Variants in CDC42BPG observed in about 807,000 individuals in gnomAD.
The protein encoded by CDC42BPG is CDC42 binding protein kinase gamma, also known as serine/threonine-protein kinase MRCK gamma.
In CDC42BPG, 157 loss-of-function variants were observed where a neutral mutation model predicts 192.2. That is an observed-to-expected ratio of 0.82 (90% CI 0.72 to 0.93). CDC42BPG has a LOEUF of 0.93. Ranked by LOEUF, CDC42BPG falls within the 40% of genes least tolerant of loss-of-function variation. CDC42BPG has a pLI of 0.00. For synonymous variants in CDC42BPG, 981 were observed against 918.5 expected (o/e 1.07, Z -1.23); for missense variants, 1,992 against 2,122.1 (o/e 0.94, Z 1.20).
In CDC42BPG at chr11:64,832,965, G is replaced by A; in HGVS notation, c.2732-6C>T. The A allele has an allele frequency of 6.6e-7, 1 of 1,524,244 alleles. No individual in the cohort carries two copies. The highest frequency in any genetic ancestry group is 2.5e-5 in the East Asian group (1 of 40,702). The allele number at this position is 1,524,244 out of a possible 1,614,324, so 94.4% of individuals were successfully genotyped here. A position where few individuals can be genotyped will look rare whatever the true frequency, so the allele number is the denominator to read the frequency against. Reference sequence around the variant, plus strand: ...GTGACAAAAGTAGCCGCAGGCTGTGGGGAAAGTGGAGAAGGTGGATGAGGT... The same window carrying A: ...GTGACAAAAGTAGCCGCAGGCTGTGAGGAAAGTGGAGAAGGTGGATGAGGT... On this transcript the variant is annotated splice_region_variant and splice_polypyrimidine_tract_variant and intron_variant, in intron 24 of 36. Transcript: ENST00000342711.
chr11:64,827,454 C>G, intron 32 of CDC42BPG, 56 bp from the exon 33 acceptor site: 1 of 1,604,150 alleles, frequency 6.2e-7, no homozygotes. Flanking sequence ...GCCCAGTCAG[C>G]TGGCATTCAG....
chr11:64,826,131 A>G (rs1942405821), intron 36 of CDC42BPG, among the ~76,000 whole-genome samples: 2 of 151,384 alleles, frequency 1.3e-5, no homozygotes, highest in Admixed American at 1.3e-4. Flanking sequence ...CATGCCAGGT[A>G]CTATGCTGAG....
intron 9 of CDC42BPG, 38 bp from the exon 10 acceptor site, chr11:64,837,057 C>T: frequency 6.6e-7 from 1 of 1,506,880 alleles, no homozygotes; most frequent in Non-Finnish European, 9.2e-7. Context: ...TGGTAGAAAC[C>T]TCACCCCACA....
At chr11:64,832,993 G>C in intron 24 of CDC42BPG, 34 bp from the exon 25 acceptor site, 1 of 1,499,854 alleles carries the variant, frequency 6.7e-7, no homozygotes, top group Non-Finnish European at 8.9e-7. Context: ...GATGAGGTGA[G>C]GCTGGGAGGG....
In CDC42BPG at chr11:64,836,811, G is replaced by A. The variant is rs142790484; in HGVS notation, c.1312C>T (p.His438Tyr). The A allele has an allele frequency of 3.5e-5, 56 of 1,607,906 alleles. No individual in the cohort carries two copies. Among genetic ancestry groups the A allele is most frequent in the Non-Finnish European group, 4.8e-5 (56 of 1,177,090 alleles). ...AGCTCCCGATGGTCTGTGGGGGCGT[G>A]CAGGGCCTCTGGAGGGGAGGTGGTA... ...ELSRKHQEAL[H>Y]APTDHRELEQ... Residue 438 changes from histidine (H) to tyrosine (Y), a missense_variant, in exon 11 of 37, where the codon CAC (histidine) becomes TAC (tyrosine). His to Tyr is a moderately conservative substitution (Grantham distance 83, BLOSUM62 2). Coordinates refer to ENST00000342711, the MANE Select transcript of CDC42BPG (RefSeq NM_017525.3).
Position 64,831,513 on chromosome 11 carries a change from G to A in CDC42BPG, c.3296C>T (p.Ala1099Val), listed in dbSNP as rs1004355329. 1.9e-6 allele frequency: 3 copies of A among 1,608,212 alleles called. No homozygotes were observed. The highest frequency in any genetic ancestry group is 2.7e-5 in the African/African-American group (2 of 74,870). ...CCCCTCCACCAGCTCACCGAGGATG[G>A]CAGCGCAGAGCGTGTGAGGCAGCAG... ...LPLLPHTLCA[A>V]ILDQDRLALG... is the part of the protein sequence containing the mutation. Residue 1099 changes from alanine (A) to valine (V), a missense_variant, in exon 28 of 37, where the codon GCC becomes GTC. Physicochemically the swap from Ala to Val is moderately conservative, Grantham distance 64. This residue lies in a region of CDC42BPG where 1,656 missense variants were observed against 1,844.3 expected (regional missense o/e 0.90). Transcript: ENST00000342711.
At chr11:64,827,202 CT>C in intron 33 of CDC42BPG, 35 bp from the exon 34 acceptor site, 1 of 1,613,586 alleles carries the variant, frequency 6.2e-7, no homozygotes, top group Non-Finnish European at 8.5e-7. Flanking sequence ...GGTGGCGAAG[CT>C]CCACCCTCCC....
In CDC42BPG at chr11:64,831,595, G is replaced by A. The variant is rs56324326; in HGVS notation, c.3214C>T (p.Arg1072Trp). 167 of 1,612,132 alleles carry A rather than the reference G, an allele frequency of 1.0e-4. No homozygotes were observed. Among genetic ancestry groups the A allele is most frequent in the East Asian group, 2.7e-4 (12 of 44,880 alleles). Residue 1072 changes from arginine to tryptophan, a missense_variant, in exon 28 of 37, where the codon CGG becomes TGG. By Grantham distance (101) the Arg-to-Trp change is moderately radical. Coordinates refer to ENST00000342711, the MANE Select transcript of CDC42BPG (RefSeq NM_017525.3). Reference sequence around the variant, plus strand: ...GTGTACACGGGCCGGGGTCTTGGCCGCGCGTCCAGCAGCAGCCGCTGCAGC... The same window carrying A: ...GTGTACACGGGCCGGGGTCTTGGCCACGCGTCCAGCAGCAGCCGCTGCAGC... ...GELQRLLLDA[R>W]PRPRPVYTLK... is the part of the protein sequence containing the mutation.
At chr11:64,827,639 C>A in intron 31 of CDC42BPG, 28 bp from the exon 32 acceptor site, 1 of 1,606,186 alleles carries the variant, frequency 6.2e-7, no homozygotes, top group Non-Finnish European at 8.5e-7. Context: ...GCGGTCAGGC[C>A]ACGCCTCCAC....
Position 64,831,582 on chromosome 11 carries a change from C to A in CDC42BPG, c.3227G>T (p.Arg1076Leu). 1.2e-6 allele frequency: 2 copies of A among 1,612,524 alleles called. No homozygotes were observed. The highest frequency in any genetic ancestry group is 1.7e-5 in the Admixed American group (1 of 60,008). ...RLLLDARPRP[R>L]PVYTLKEAYD... ...AGCCTCCTTGAGTGTGTACACGGGCCGGGGTCTTGGCCGCGCGTCCAGCAG... is the reference window on the plus strand; with the variant it reads ...AGCCTCCTTGAGTGTGTACACGGGCAGGGGTCTTGGCCGCGCGTCCAGCAG... Residue 1076 changes from arginine to leucine, a missense_variant, in exon 28 of 37, where the codon CGG becomes CTG. Physicochemically the swap from Arg to Leu is moderately radical, Grantham distance 102. Around this residue, in one of 2 missense-constraint regions of CDC42BPG, gnomAD observed 1,656 missense variants for 1,844.3 expected, o/e 0.90. Transcript: ENST00000342711.
At chr11:64,838,541 C>T (rs561530885) in intron 8 of CDC42BPG, 113 bp downstream of exon 8, 64 of 1,371,506 alleles carry the variant, frequency 4.7e-5, no homozygotes, top group East Asian at 1.4e-4. Context: ...TCATAAGCCC[C>T]GGTGTCTGAA....
At chr11:64,840,293 A>C (rs753716648) in intron 4 of CDC42BPG, 25 bp from the exon 5 acceptor site, 1 of 1,603,724 alleles carries the variant, frequency 6.2e-7, no homozygotes, top group South Asian at 1.1e-5. Flanking sequence ...CAAGAATCAG[A>C]CCCGGGGGAA....
rs1003325496 is a variant in CDC42BPG at position 64,836,204 on chromosome 11, C to T, written c.1581G>A (p.Gln527=). Residue 527 remains glutamine (Q), a synonymous_variant, in exon 13 of 37, where the codon CAG becomes CAA. Transcript: ENST00000342711. ...GQQEELLQRL[Q]EAQEREAATA... Reference sequence around the variant, plus strand: ...TGGCCGCCTCTCTCTCCTGGGCCTCCTGTAGCCTCTGAAGCAGCTCCTCCT... The same window carrying T: ...TGGCCGCCTCTCTCTCCTGGGCCTCTTGTAGCCTCTGAAGCAGCTCCTCCT... 4.4e-6 allele frequency: 7 copies of T among 1,598,418 alleles called. No individual in the cohort carries two copies. The African/African-American group carries it at 8.0e-5, about 18-fold the overall frequency.
chr11:64,827,842 T>C, intron 30 of CDC42BPG, 59 bp from the exon 31 acceptor site: 1 of 1,425,662 alleles, frequency 7.0e-7, no homozygotes. Context: ...GGGAACACCT[T>C]GTCCCCTGCC....
chr11:64,836,726 G>GGGGGGGGGGGCC lies in CDC42BPG; in HGVS notation c.1384+12_1384+13insGGCCCCCCCCCC. 1.1e-6 allele frequency: 1 copy of GGGGGGGGGGGCC among 889,336 alleles called. No homozygotes were observed. Among genetic ancestry groups the GGGGGGGGGGGCC allele is most frequent in the East Asian group, 3.1e-5 (1 of 32,572 alleles). 55.1% of individuals were successfully genotyped at this position (889,336 alleles called of 1,614,324 possible). A position where few individuals can be genotyped will look rare whatever the true frequency, so the allele number is the denominator to read the frequency against. On this transcript the variant is annotated intron_variant, in intron 11 of 36. Coordinates refer to ENST00000342711, the MANE Select transcript of CDC42BPG (RefSeq NM_017525.3). ...AGCCCTGGGGGGGGGGGGGGGGTGG[G>GGGGGGGGGGGCC]CGGAAGGGATACCTGGCAGCCTGTC... is the stretch of plus-strand genomic sequence containing the variant.
intron 17 of CDC42BPG, 30 bp downstream of exon 17, chr11:64,835,017 T>TGCCCCCCCCCCCCCCC: frequency 1.3e-5 from 21 of 1,571,928 alleles, no homozygotes; most frequent in Non-Finnish European, 1.7e-5. Flanking sequence ...TCGCCTGCGT[T>TGCCCCCCCCCCCCCCC]CCCCACCCCG....
chr11:64,827,149 A>T lies in CDC42BPG; in HGVS notation c.4290T>A (p.Pro1430=). The change falls in exon 34 of 37, where the codon CCT becomes CCA. Residue 1430 remains proline (P), a synonymous_variant. Transcript: ENST00000342711. ...GCGAGATGAGCTTGGAGCGCACAAA[A>T]GGGTCCTTCAGCATCTCCCTGTGGG... The part of the protein sequence containing the change: ...KQQRREMLKD[P]FVRSKLISPP... 1 of 1,614,070 alleles carries T rather than the reference A, an allele frequency of 6.2e-7. No homozygotes were observed. The highest frequency in any genetic ancestry group is 8.5e-7 in the Non-Finnish European group (1 of 1,179,928).
intron 1 of CDC42BPG, 85 bp from the exon 2 acceptor site, chr11:64,841,989 C>A: frequency 9.0e-7 from 1 of 1,110,024 alleles, no homozygotes; most frequent in Non-Finnish European, 1.3e-6. Context: ...GGAGCTGCCG[C>A]TCCTGTGAGC....
intron 8 of CDC42BPG, among the ~76,000 whole-genome samples, chr11:64,838,385 G>A (rs969964024): frequency 6.6e-6 from 1 of 152,196 alleles, no homozygotes; most frequent in African/African-American, 2.4e-5. Flanking sequence ...TGATACCTGT[G>A]GTCAGAGGCC....
Sources: allele counts gnomAD v4.1 joint callset (sites outside exome capture counted in the v4.1 genomes callset), GRCh38; gene constraint gnomAD v4.1.1; regional missense constraint gnomAD v4.1.1; transcripts MANE v1.5; gene names NCBI Gene and HGNC (gene_info 2026-07-23, HGNC 2026-07-21).